The following CCDC88B variants were observed in gnomAD, a reference collection of about 807,000 sequenced individuals.
The protein encoded by CCDC88B is coiled-coil and HOOK domain protein 88B.
Under a neutral mutation model 183.7 loss-of-function variants are expected in CCDC88B, and 138 were observed. The ratio of observed to expected loss-of-function variants is 0.75; its 90% CI spans 0.65 to 0.87. The LOEUF (loss-of-function observed/expected upper bound fraction) is 0.87. Among genes scored for constraint, CCDC88B ranks in the 40% least tolerant of loss-of-function variants. The probability of loss-of-function intolerance (pLI) is 0.00; values close to 1 mark genes in which losing one functional copy is unlikely to be tolerated. For missense variants in CCDC88B, 1,822 were observed against 1,965.6 expected, an observed-to-expected ratio of 0.93 and a Z score of 1.38; for synonymous variants, 835 against 867.5, an observed-to-expected ratio of 0.96 and a Z score of 0.66.
rs776622743 is a variant in CCDC88B, at chr11:64,352,113, T to G, written c.3100-17T>G. 2 of 1,522,402 alleles carry G rather than the reference T, an allele frequency of 1.3e-6. No homozygotes were observed. The highest frequency in any genetic ancestry group is 4.2e-5 in the Admixed American group (2 of 47,968). The allele number at this position is 1,522,402 out of a possible 1,614,324, so 94.3% of individuals were successfully genotyped here. A position where few individuals can be genotyped will look rare whatever the true frequency, so the allele number is the denominator to read the frequency against. Reference sequence around the variant, plus strand: ...GGGTTCCTCCCCAGCAGCCCCTGCTTCCCTCCTCCATCCTAGGCCGAGAAG... The same window carrying G: ...GGGTTCCTCCCCAGCAGCCCCTGCTGCCCTCCTCCATCCTAGGCCGAGAAG... On this transcript the variant is annotated splice_polypyrimidine_tract_variant and intron_variant, in intron 18 of 26. Coordinates refer to ENST00000356786, the MANE Select transcript of CCDC88B (RefSeq NM_032251.6).
chr11:64,353,906 C>T (rs1317599236), intron 23 of CCDC88B, 93 bp downstream of exon 23: 1 of 1,577,448 alleles, frequency 6.3e-7, no homozygotes, highest in Non-Finnish European at 8.7e-7. Flanking sequence ...CAGGTCCAGG[C>T]CCCATGAAGG....
intron 15 of CCDC88B, 31 bp from the exon 16 acceptor site, chr11:64,349,520 T>TGGGGGGGGGGGGGGGGGG: frequency 4.7e-6 from 2 of 423,984 alleles, no homozygotes; most frequent in Non-Finnish European, 7.5e-6. Flanking sequence ...GAGGGTGGGG[T>TGGGGGGGGGGGGGGGGGG]GGGGCTGGGT....
intron 23 of CCDC88B, 57 bp from the exon 24 acceptor site, chr11:64,353,947 C>A: frequency 6.5e-7 from 1 of 1,549,780 alleles, no homozygotes; most frequent in South Asian, 1.2e-5. Context: ...CCCAGGACAC[C>A]CTTTGCTCCC....
chr11:64,353,004 C>A (rs138730003), intron 20 of CCDC88B, 50 bp from the exon 21 acceptor site: 22 of 1,526,810 alleles, frequency 1.4e-5, no homozygotes, highest in Non-Finnish European at 1.9e-5. Context: ...GGCCAGCACT[C>A]GGACTGGGGA....
rs746948276 is a variant in CCDC88B at position 64,340,903 on chromosome 11, A to T, written c.207-4A>T. The T allele has an allele frequency of 6.5e-7, 1 of 1,546,568 alleles. No individual in the cohort carries two copies. Among genetic ancestry groups the T allele is most frequent in the Non-Finnish European group, 8.7e-7 (1 of 1,146,474 alleles). The stretch of plus-strand genomic sequence containing the variant: ...GGGTCCTCGAGCCCACCTCCGGCTC[A>T]TAGTGCCCCCAGCTCCCGAGGGGGA... On this transcript the variant is annotated splice_polypyrimidine_tract_variant and splice_region_variant and intron_variant, in intron 2 of 26. Transcript: ENST00000356786.
intron 19 of CCDC88B, 119 bp downstream of exon 19, chr11:64,352,505 C>T (rs1025945148): frequency 5.4e-5 from 76 of 1,397,972 alleles, no homozygotes; most frequent in Admixed American, 5.1e-4. Flanking sequence ...TGTGATGCCC[C>T]GGCCACTGCT....
In CCDC88B at chr11:64,357,254, C is replaced by T; in HGVS notation, c.*160C>T. 1.2e-6 allele frequency: 1 copy of T among 862,630 alleles called. No homozygotes were observed. The highest frequency in any genetic ancestry group is 1.9e-6 in the Non-Finnish European group (1 of 513,942). The allele number at this position is 862,630 out of a possible 1,614,324, so 53.4% of individuals were successfully genotyped here. A position where few individuals can be genotyped will look rare whatever the true frequency, so the allele number is the denominator to read the frequency against. On this transcript the variant is annotated 3_prime_UTR_variant, in exon 27 of 27. Coordinates refer to ENST00000356786, the MANE Select transcript of CCDC88B (RefSeq NM_032251.6). ...GATCCTCCACGGTCAGCGCCGGGGC[C>T]CGGAGATGGAGCTGGGACGAGTGTG...
Position 64,343,265 on chromosome 11 carries a change from G to C in CCDC88B, c.1149G>C (p.Arg383=). Residue 383 remains arginine, a synonymous_variant, in exon 11 of 27, where the codon CGG becomes CGC. Transcript: ENST00000356786. Reference sequence around the variant, plus strand: ...AGGCTGCCCGAGAGCGCTGCGCCCGGCTGCACGAGACCCAGCGCGAGAACC... The same window carrying C: ...AGGCTGCCCGAGAGCGCTGCGCCCGCCTGCACGAGACCCAGCGCGAGAACC... The part of the protein sequence containing the change: ...QLEAARERCA[R]LHETQRENLL... The C allele has an allele frequency of 1.9e-6, 3 of 1,549,322 alleles. No individual in the cohort carries two copies. The highest frequency in any genetic ancestry group is 1.7e-4 in the Middle Eastern group (1 of 5,982).
Position 64,355,642 on chromosome 11 carries a change from T to A in CCDC88B, c.4375+14T>A. The A allele has an allele frequency of 6.2e-7, 1 of 1,602,462 alleles. No homozygotes were observed. On this transcript the variant is annotated intron_variant, in intron 26 of 26. Transcript: ENST00000356786. ...CCAACCGAGAGGGTGAGTGGGGGACTGTGGAAGGAGTAGTATTCTTTGTCC... is the reference window on the plus strand; with the variant it reads ...CCAACCGAGAGGGTGAGTGGGGGACAGTGGAAGGAGTAGTATTCTTTGTCC...
chr11:64,345,032 G>T lies in CCDC88B; in HGVS notation c.2491G>T (p.Glu831Ter). The change falls in exon 14 of 27, where the codon GAG (glutamate) becomes TAG (stop). Residue 831 changes from glutamate to a stop codon, truncating the protein, a stop_gained. Coordinates refer to ENST00000356786, the MANE Select transcript of CCDC88B (RefSeq NM_032251.6). LOFTEE classifies it high-confidence loss of function. ...AGRERRQWER[E>*]GSRLRAQSEA... ...CCGGGAGCGGAGGCAGTGGGAGCGT[G>T]AGGGGTCCAGGCTGCGGGCCCAGTC... 1 of 1,548,498 alleles carries T rather than the reference G, an allele frequency of 6.5e-7. No homozygotes were observed.
chr11:64,352,309 G>A lies in CCDC88B; in HGVS notation c.3279G>A (p.Glu1093=). 6.4e-7 allele frequency: 1 copy of A among 1,557,416 alleles called. No homozygotes were observed. The change falls in exon 19 of 27, where the codon GAG becomes GAA. Residue 1093 remains glutamate (E), a synonymous_variant. Coordinates refer to ENST00000356786, the MANE Select transcript of CCDC88B (RefSeq NM_032251.6). ...AGCGGCGGCAGGAGGCCGAGCTAGAGGGACTGCTGGTGCGGCACCGAGACC... is the reference window on the plus strand; with the variant it reads ...AGCGGCGGCAGGAGGCCGAGCTAGAAGGACTGCTGGTGCGGCACCGAGACC... ...QLQRRQEAEL[E]GLLVRHRDLK...
In CCDC88B at chr11:64,342,578, G is replaced by A. The variant is rs2035919608; in HGVS notation, c.960G>A (p.Glu320=). ...KRAELYREEA[E]ALRERAGRLP... is the part of the protein sequence containing the mutation. ...CCGAGCTGTACCGCGAGGAGGCAGA[G>A]GCGCTGCGGGAGCGGGCCGGCCGCC... The change falls in exon 10 of 27, where the codon GAG becomes GAA. Residue 320 remains glutamate, a synonymous_variant. Coordinates refer to ENST00000356786, the MANE Select transcript of CCDC88B (RefSeq NM_032251.6). 3 of 1,531,450 alleles carry A rather than the reference G, an allele frequency of 2.0e-6. No individual in the cohort carries two copies. Among genetic ancestry groups the A allele is most frequent in the Non-Finnish European group, 2.6e-6 (3 of 1,145,356 alleles). The allele number at this position is 1,531,450 out of a possible 1,614,324, so 94.9% of individuals were successfully genotyped here. A position where few individuals can be genotyped will look rare whatever the true frequency, so the allele number is the denominator to read the frequency against.
intron 19 of CCDC88B, 37 bp downstream of exon 19, chr11:64,352,423 C>G: frequency 6.7e-7 from 1 of 1,498,314 alleles, no homozygotes; most frequent in Non-Finnish European, 8.9e-7. Flanking sequence ...TCCCCTGGCA[C>G]CCCCTATCTG....
Position 64,357,154 on chromosome 11 carries a change from G to A in CCDC88B, c.*60G>A, listed in dbSNP as rs550578623. On this transcript the variant is annotated 3_prime_UTR_variant, in exon 27 of 27. Coordinates refer to ENST00000356786, the MANE Select transcript of CCDC88B (RefSeq NM_032251.6). ...TCTCGGCACTGGAGTGTCAGCGGAG[G>A]CCCCAGGCAGCCCAAGAGCTCAGGG... 6.3e-7 allele frequency: 1 copy of A among 1,593,438 alleles called. No homozygotes were observed. The highest frequency in any genetic ancestry group is 1.3e-5 in the African/African-American group (1 of 74,694).
Position 64,355,642 on chromosome 11 carries a change from T to C in CCDC88B, c.4375+14T>C. On this transcript the variant is annotated intron_variant, in intron 26 of 26. Transcript: ENST00000356786. ...CCAACCGAGAGGGTGAGTGGGGGAC[T>C]GTGGAAGGAGTAGTATTCTTTGTCC... 1 of 1,602,462 alleles carries C rather than the reference T, an allele frequency of 6.2e-7. No homozygotes were observed. The highest frequency in any genetic ancestry group is 8.5e-7 in the Non-Finnish European group (1 of 1,175,262).
At chr11:64,354,560 G>A (rs1049793531) in intron 24 of CCDC88B, among the ~76,000 whole-genome samples, 1 of 151,938 alleles carries the variant, frequency 6.6e-6, no homozygotes, top group Non-Finnish European at 1.5e-5. Context: ...GTGTCCTGCT[G>A]CCCCACTCAT....
At chr11:64,341,887 A>G in intron 7 of CCDC88B, 107 bp from the exon 8 acceptor site, 1 of 588,010 alleles carries the variant, frequency 1.7e-6, no homozygotes, top group Non-Finnish European at 2.5e-6. Context: ...TCACAACCAG[A>G]TGGCCCAAGA....
At chr11:64,348,743 C>T (rs2036213219) in intron 14 of CCDC88B, 1 of 474,212 alleles carries the variant, frequency 2.1e-6, no homozygotes, top group African/African-American at 2.0e-5. Flanking sequence ...TTTGGTCTCC[C>T]TCCCTCTGGG....
At chr11:64,340,793 G>C in intron 2 of CCDC88B, 41 bp downstream of exon 2, 2 of 1,570,636 alleles carry the variant, frequency 1.3e-6, no homozygotes, top group Non-Finnish European at 1.7e-6. Flanking sequence ...GGAAGGATCT[G>C]AGAGGAGGGG....
Sources: gnomAD v4.1 joint callset for allele counts (sites outside exome capture counted in the v4.1 genomes callset) on GRCh38, gnomAD v4.1.1 for gene constraint, MANE v1.5 for transcripts, NCBI Gene and HGNC (gene_info 2026-07-23, HGNC 2026-07-21) for gene names.